The following PPM1H variants were observed in gnomAD, a reference collection of about 807,000 sequenced individuals.
PPM1H encodes protein phosphatase, Mg2+/Mn2+ dependent 1H, also known as protein phosphatase 1H.
In PPM1H, 27 loss-of-function variants were observed where a neutral mutation model predicts 54.9. The ratio of observed to expected loss-of-function variants is 0.49; its 90% CI spans 0.36 to 0.68. PPM1H has a LOEUF of 0.68. PPM1H is among the 30% of genes least tolerant of loss of function. The pLI is 0.00. For synonymous variants in PPM1H, 305 were observed against 270.8 expected (o/e 1.13, Z -1.24); for missense variants, 596 against 667.8 (o/e 0.89, Z 1.19).
At position 62,844,392 on chromosome 12, in the gene PPM1H, A is replaced by G. The variant is rs1868876284; in HGVS notation, c.246-12113T>C. On this transcript the variant is annotated intron_variant, in intron 1 of 9. Coordinates refer to ENST00000228705, the MANE Select transcript of PPM1H (RefSeq NM_020700.2). This position sits in a 1 kb window ranked among gnomAD's most constrained non-coding sequence, Gnocchi z 5.2. The stretch of plus-strand genomic sequence containing the variant: ...GGGCAAGGGGGGCGTCTTATCTCTG[A>G]TGCTGCTTCTTCATTGCTAATCATT... Among the ~76,000 whole-genome samples the G allele has an allele frequency of 1.3e-5, 2 of 152,206 alleles. No homozygotes were observed. Among genetic ancestry groups the G allele is most frequent in the African/African-American group, 2.4e-5 (1 of 41,456 alleles).
At chr12:62,830,415 C>T (rs1044567596) in intron 2 of PPM1H, among the ~76,000 whole-genome samples, 1 of 152,048 alleles carries the variant, frequency 6.6e-6, no homozygotes, top group Non-Finnish European at 1.5e-5. Context: ...GCCACCATGC[C>T]CGGCTAATTT....
chr12:62,756,003 G>T, intron 4 of PPM1H: 1 of 1,378,806 alleles, frequency 7.3e-7, no homozygotes. Flanking sequence ...ATGACATCAA[G>T]AAGGTGGTGA....
chr12:62,797,752 C>T (rs563054907), intron 3 of PPM1H, among the ~76,000 whole-genome samples: 74 of 152,148 alleles, frequency 4.9e-4, no homozygotes, highest in Admixed American at 1.1e-3. Flanking sequence ...CTGAAGCTCA[C>T]CTTAAGCAAT....
At chr12:62,671,371 T>C (rs371780185) in intron 8 of PPM1H, among the ~76,000 whole-genome samples, 2 of 152,072 alleles carry the variant, frequency 1.3e-5, no homozygotes, top group South Asian at 2.1e-4. Context: ...AGACGAATCC[T>C]TGAGATTCTT....
At chr12:62,760,870 G>C (rs1026620092) in intron 4 of PPM1H, among the ~76,000 whole-genome samples, 10 of 152,174 alleles carry the variant, frequency 6.6e-5, no homozygotes, top group Non-Finnish European at 1.2e-4. Context: ...TGAGTCCCAG[G>C]TTAAAGATTA....
intron 1 of PPM1H, among the ~76,000 whole-genome samples, chr12:62,886,056 GTGAAAGGCTACTA>G (rs1870576709): frequency 6.6e-6 from 1 of 152,222 alleles, no homozygotes; most frequent in Non-Finnish European, 1.5e-5. Flanking sequence ...AAAAGGCTAT[GTGAAAGGCTACTA>G]TACATCTACA....
intron 1 of PPM1H, among the ~76,000 whole-genome samples, chr12:62,919,196 GT>G (rs1416725513): frequency 1.3e-5 from 2 of 152,208 alleles, no homozygotes; most frequent in Non-Finnish European, 2.9e-5. Context: ...TTAAAAGACT[GT>G]TTTTCAACAA....
Sources: allele counts gnomAD v4.1 joint callset (sites outside exome capture counted in the v4.1 genomes callset), GRCh38; gene constraint gnomAD v4.1.1; non-coding constraint Gnocchi (gnomAD v3.1); transcripts MANE v1.5; gene names NCBI Gene and HGNC (gene_info 2026-07-23, HGNC 2026-07-21).